The following KHDRBS2 variants were observed in gnomAD, a reference collection of about 807,000 sequenced individuals.
The protein encoded by KHDRBS2 is KH RNA binding domain containing, signal transduction associated 2.
Under a neutral mutation model 44.3 loss-of-function variants are expected in KHDRBS2, and 26 were observed. That is an observed-to-expected ratio of 0.59 (90% CI 0.43 to 0.81). The LOEUF (loss-of-function observed/expected upper bound fraction) is 0.81. KHDRBS2 is among the 40% of genes least tolerant of loss of function. The probability of loss-of-function intolerance (pLI) is 0.00; values close to 1 mark genes in which losing one functional copy is unlikely to be tolerated. For synonymous variants in KHDRBS2, 194 were observed against 151.1 expected (o/e 1.28, Z -2.08); for missense variants, 476 against 433.1 (o/e 1.10, Z -0.88).
At position 61,945,115 on chromosome 6, in the gene KHDRBS2, A is replaced by ATATATG. The variant is rs1562490574; in HGVS notation, c.483+32950_483+32951insCATATA. 8.4e-4 allele frequency among the ~76,000 whole-genome samples: 44 copies of ATATATG among 52,578 alleles called. 5 individuals carry two copies. Among genetic ancestry groups the ATATATG allele is most frequent in the Admixed American group, 1.8e-3 (8 of 4,466 alleles). The allele number at this position is 52,578 out of a possible 152,430, so 34.5% of individuals were successfully genotyped here. On this transcript the variant is annotated intron_variant, in intron 4 of 8. Coordinates refer to ENST00000281156, the MANE Select transcript of KHDRBS2 (RefSeq NM_152688.4). ...TAAAAAAAAAAAAAAAAAAAAAAGT[A>ATATATG]TATATATATATATATATATATATAT... is the stretch of plus-strand genomic sequence containing the variant.
intron 1 of KHDRBS2, among the ~76,000 whole-genome samples, chr6:62,199,481 A>G (rs199834132): frequency 6.6e-6 from 1 of 152,198 alleles, no homozygotes; most frequent in East Asian, 1.9e-4. Flanking sequence ...ACTCCCATTC[A>G]CAATTACTTC....
In KHDRBS2 at chr6:61,816,939, A is replaced by T. The variant is rs1388283859; in HGVS notation, c.810+77696T>A. On this transcript the variant is annotated intron_variant, in intron 6 of 8. Transcript: ENST00000281156. ...AGTCATTTCCATCTTTAGCATTTCT[A>T]CTTGAGACAACTTACCTGGTGAGAT... is the stretch of plus-strand genomic sequence containing the variant. 8 of 455,620 alleles carry T rather than the reference A, an allele frequency of 1.8e-5. No individual in the cohort carries two copies. In the Admixed American group the frequency reaches 1.9e-4, roughly 11 times the overall value. The allele number at this position is 455,620 out of a possible 1,614,324, so 28.2% of individuals were successfully genotyped here.
intron 1 of KHDRBS2, among the ~76,000 whole-genome samples, chr6:62,280,894 T>A (rs975987450): frequency 3.9e-5 from 6 of 152,178 alleles, no homozygotes; most frequent in African/African-American, 1.4e-4. Flanking sequence ...AAACATTTGG[T>A]CTTCTGGGAA....
chr6:61,675,540 A>G (rs953156497), downstream of KHDRBS2, among the ~76,000 whole-genome samples: 51 of 151,774 alleles, frequency 3.4e-4, no homozygotes, highest in African/African-American at 4.8e-5. Flanking sequence ...AATACTGTAT[A>G]CTAAAAGTGA....
At chr6:61,574,530 C>T in the KHDRBS2 span, 1 of 589,408 alleles carries the variant, frequency 1.7e-6, no homozygotes, top group Admixed American at 3.1e-5. Flanking sequence ...GGAGTATAAC[C>T]CAACCTCCGA....
chr6:61,835,537 G>T (rs1303809368), intron 6 of KHDRBS2, among the ~76,000 whole-genome samples: 1 of 152,000 alleles, frequency 6.6e-6, no homozygotes, highest in East Asian at 1.9e-4. Context: ...TTTGAACAGT[G>T]CAGGGTACTA....
At chr6:61,752,489 C>G (rs940941678) in intron 6 of KHDRBS2, among the ~76,000 whole-genome samples, 1 of 151,938 alleles carries the variant, frequency 6.6e-6, no homozygotes, top group African/African-American at 2.4e-5. Context: ...ATAATTATAG[C>G]TGAAATACAA....
At chr6:61,701,903 T>C (rs1455271885) in intron 7 of KHDRBS2, among the ~76,000 whole-genome samples, 2 of 152,018 alleles carry the variant, frequency 1.3e-5, no homozygotes, top group African/African-American at 2.4e-5. Flanking sequence ...AAAGATAATC[T>C]AACATTTTTC....
intron 7 of KHDRBS2, among the ~76,000 whole-genome samples, chr6:61,699,444 C>G (rs1768316294): frequency 6.6e-6 from 1 of 151,810 alleles, no homozygotes; most frequent in Non-Finnish European, 1.5e-5. Context: ...TATAAGTTAC[C>G]TCAAGGTCAG....
At chr6:61,720,063 A>C (rs1334269517) in intron 7 of KHDRBS2, among the ~76,000 whole-genome samples, 3 of 152,118 alleles carry the variant, frequency 2.0e-5, no homozygotes, top group Non-Finnish European at 4.4e-5. Context: ...TTTACTGAGA[A>C]TGATGATTTC....
intron 6 of KHDRBS2, among the ~76,000 whole-genome samples, chr6:61,831,120 G>C (rs1791728257): frequency 6.6e-6 from 1 of 152,058 alleles, no homozygotes; most frequent in Non-Finnish European, 1.5e-5. Flanking sequence ...TCTTCTTTTT[G>C]AAGTTGGTAA....
At chr6:62,153,002 T>A (rs1815558383) in intron 2 of KHDRBS2, among the ~76,000 whole-genome samples, 1 of 152,224 alleles carries the variant, frequency 6.6e-6, no homozygotes, top group Non-Finnish European at 1.5e-5. Flanking sequence ...CACATGTGGC[T>A]CACTGGTGAT....
At chr6:62,038,786 CTT>C (rs1440438309) in intron 3 of KHDRBS2, among the ~76,000 whole-genome samples, 2 of 152,024 alleles carry the variant, frequency 1.3e-5, no homozygotes, top group African/African-American at 4.8e-5. Flanking sequence ...AAAATAAACA[CTT>C]AACAGGATCT....
At chr6:62,180,165 T>G (rs576281277) in intron 1 of KHDRBS2, among the ~76,000 whole-genome samples, 6 of 151,948 alleles carry the variant, frequency 3.9e-5, no homozygotes, top group African/African-American at 1.4e-4. Flanking sequence ...GTCTTACAAC[T>G]TCTATTCAAC....
intron 2 of KHDRBS2, among the ~76,000 whole-genome samples, chr6:62,088,325 T>C (rs113991231): frequency 7.2e-5 from 11 of 152,224 alleles, no homozygotes; most frequent in Admixed American, 1.3e-4. Flanking sequence ...TTTTTCCTCC[T>C]CTTCATGGGT....
chr6:61,835,018 G>T (rs1045162023), intron 6 of KHDRBS2, among the ~76,000 whole-genome samples: 10 of 151,954 alleles, frequency 6.6e-5, no homozygotes, highest in African/African-American at 2.4e-4. Flanking sequence ...ATTTGTCAGG[G>T]TTTTCAACTG....
chr6:62,081,734 C>A (rs1797436801), intron 2 of KHDRBS2, among the ~76,000 whole-genome samples: 1 of 151,604 alleles, frequency 6.6e-6, no homozygotes, highest in Non-Finnish European at 1.5e-5. Context: ...TAAATTGTTC[C>A]TTTGTATTGT....
At chr6:61,702,048 A>AT (rs768329953) in intron 7 of KHDRBS2, among the ~76,000 whole-genome samples, 1,959 of 149,230 alleles carry the variant, frequency 0.013, 20 homozygotes, top group African/African-American at 0.02. Flanking sequence ...GAAAGTAGGT[A>AT]TTTTTTTTTT....
intron 1 of KHDRBS2, among the ~76,000 whole-genome samples, chr6:62,272,483 G>A (rs1309453154): frequency 3.3e-5 from 5 of 152,146 alleles, no homozygotes; most frequent in African/African-American, 1.2e-4. Context: ...TAAGAGAAAT[G>A]CTCACATTAC....
Sources: allele counts gnomAD v4.1 joint callset (sites outside exome capture counted in the v4.1 genomes callset), GRCh38; gene constraint gnomAD v4.1.1; transcripts MANE v1.5; gene names NCBI Gene and HGNC (gene_info 2026-07-23, HGNC 2026-07-21).